CTNND2: variants seen among roughly 807,000 people sequenced by gnomAD.
The protein encoded by CTNND2 is catenin delta 2.
Under a neutral mutation model 144.4 loss-of-function variants are expected in CTNND2, and 22 were observed. The ratio of observed to expected loss-of-function variants is 0.15; its 90% CI spans 0.11 to 0.22. The LOEUF is 0.22. CTNND2 is among the 10% of genes least tolerant of loss of function. The probability of loss-of-function intolerance (pLI) is 1.00; values close to 1 mark genes in which losing one functional copy is unlikely to be tolerated. For synonymous variants in CTNND2, 751 were observed against 695.6 expected (o/e 1.08, Z -1.25); for missense variants, 1,353 against 1,618.8 (o/e 0.84, Z 2.82).
chr5:11,177,145 T>C (rs1760554278), intron 11 of CTNND2, among the ~76,000 whole-genome samples: 1 of 152,172 alleles, frequency 6.6e-6, no homozygotes, highest in African/African-American at 2.4e-5. Context: ...GATGCATGAG[T>C]ATTACATCCC....
At chr5:11,814,562 A>G (rs1010454860) in intron 1 of CTNND2, among the ~76,000 whole-genome samples, 3 of 152,232 alleles carry the variant, frequency 2.0e-5, no homozygotes, top group Non-Finnish European at 4.4e-5. Context: ...ATGGAAAAGG[A>G]AAGTGAGTGG....
chr5:11,697,871 G>T (rs1473657296), intron 2 of CTNND2, among the ~76,000 whole-genome samples: 4 of 152,114 alleles, frequency 2.6e-5, no homozygotes, highest in Non-Finnish European at 5.9e-5. Context: ...CATCAATTAT[G>T]AAAAAAGGCA....
chr5:11,718,954 A>G (rs1786509455), intron 2 of CTNND2, among the ~76,000 whole-genome samples: 1 of 152,208 alleles, frequency 6.6e-6, no homozygotes, highest in South Asian at 2.1e-4. Flanking sequence ...AGAGATGGCA[A>G]AGAGTAATTC....
chr5:11,733,425 C>T (rs1180045763), intron 1 of CTNND2, among the ~76,000 whole-genome samples: 2 of 152,082 alleles, frequency 1.3e-5, no homozygotes, highest in Non-Finnish European at 2.9e-5. Flanking sequence ...CACATTTGGT[C>T]ACAGAAGTCT....
At chr5:11,616,578 T>C (rs1416165606) in intron 2 of CTNND2, among the ~76,000 whole-genome samples, 1 of 151,162 alleles carries the variant, frequency 6.6e-6, no homozygotes, top group East Asian at 2.0e-4. Context: ...TCCCTTCCCT[T>C]TCCTTCCCCT....
intron 15 of CTNND2, among the ~76,000 whole-genome samples, chr5:11,084,643 C>T (rs761165282): frequency 7.9e-5 from 12 of 152,098 alleles, no homozygotes; most frequent in Non-Finnish European, 1.5e-4. Context: ...ATGCAAGTGC[C>T]CTCAGCCTGG....
At chr5:11,344,907 A>C (rs1205966831) in intron 9 of CTNND2, among the ~76,000 whole-genome samples, 1 of 152,246 alleles carries the variant, frequency 6.6e-6, no homozygotes, top group African/African-American at 2.4e-5. Flanking sequence ...GCTATGCTAC[A>C]GCTAGAGAAA....
chr5:11,844,211 G>A (rs760346717), intron 1 of CTNND2, among the ~76,000 whole-genome samples: 8 of 152,056 alleles, frequency 5.3e-5, no homozygotes, highest in Non-Finnish European at 7.3e-5. Context: ...AATAAAATAG[G>A]TGTTACTTAG....
At chr5:11,513,319 T>G (rs903312642) in intron 3 of CTNND2, among the ~76,000 whole-genome samples, 2 of 152,216 alleles carry the variant, frequency 1.3e-5, no homozygotes, top group African/African-American at 4.8e-5. Flanking sequence ...CATGCTTGTT[T>G]TGCAAACCAG....
At chr5:11,579,703 G>A (rs1203750099) in intron 2 of CTNND2, among the ~76,000 whole-genome samples, 2 of 152,140 alleles carry the variant, frequency 1.3e-5, no homozygotes, top group Admixed American at 6.5e-5. Context: ...ATGAATTCAT[G>A]TACAAAGTAT....
chr5:11,747,161 G>T (rs1224228634), intron 1 of CTNND2, among the ~76,000 whole-genome samples: 1 of 152,040 alleles, frequency 6.6e-6, no homozygotes, highest in Non-Finnish European at 1.5e-5. Flanking sequence ...AGTTCCCCCA[G>T]ACAACACAAA....
At chr5:11,574,798 T>C (rs1045212382) in intron 2 of CTNND2, among the ~76,000 whole-genome samples, 1 of 152,094 alleles carries the variant, frequency 6.6e-6, no homozygotes, top group Non-Finnish European at 1.5e-5. Context: ...TATACCACAA[T>C]AGAGAAAGCA....
At chr5:11,562,057 A>G (rs1428540311) in intron 3 of CTNND2, among the ~76,000 whole-genome samples, 3 of 152,082 alleles carry the variant, frequency 2.0e-5, no homozygotes, top group Admixed American at 6.6e-5. Flanking sequence ...TCAAAAAAAA[A>G]AGAGAGAGAG....
chr5:11,620,759 A>T (rs12188296), intron 2 of CTNND2, among the ~76,000 whole-genome samples: 6,401 of 152,278 alleles, frequency 0.042, 155 homozygotes, highest in Non-Finnish European at 0.066. Context: ...AACCTGTGAC[A>T]TCCTGGGCTC....
intron 2 of CTNND2, among the ~76,000 whole-genome samples, chr5:11,647,302 T>G (rs943474490): frequency 6.6e-6 from 1 of 152,174 alleles, no homozygotes; most frequent in Non-Finnish European, 1.5e-5. Flanking sequence ...GCCTTCTCCA[T>G]GTCTAAGTTC....
Position 11,230,857 on chromosome 5 carries a change from G to C in CTNND2, c.1761+5834C>G, listed in dbSNP as rs140131758. 1.4e-4 allele frequency among the ~76,000 whole-genome samples: 21 copies of C among 152,300 alleles called. No homozygotes were observed. The East Asian group carries it at 4.1e-3, about 29-fold the overall frequency. On this transcript the variant is annotated intron_variant, in intron 10 of 21. Coordinates refer to ENST00000304623, the MANE Select transcript of CTNND2 (RefSeq NM_001332.4). ...GTCCTACCCTGGATCAGAGAACTCA[G>C]TGGAATTCAAACTCTGCCTTAGTCA...
rs893158804 is a variant in CTNND2, at chr5:11,344,046, T to A, written c.1628+2326A>T. 7.9e-5 allele frequency among the ~76,000 whole-genome samples: 12 copies of A among 152,278 alleles called. No homozygotes were observed. The East Asian group carries it at 2.3e-3, about 29-fold the overall frequency. On this transcript the variant is annotated intron_variant, in intron 9 of 21. Transcript: ENST00000304623. ...TAATATTTAAGGGAAAATGCAAAAA[T>A]CTTGTCTTAAAAGAATTACTATATT...
chr5:11,822,053 G>A (rs905158818), intron 1 of CTNND2, among the ~76,000 whole-genome samples: 18 of 152,096 alleles, frequency 1.2e-4, no homozygotes, highest in Non-Finnish European at 2.9e-5. Flanking sequence ...CAATTACTAT[G>A]TAATAGTACT....
At chr5:11,806,698 T>C (rs1240260095) in intron 1 of CTNND2, among the ~76,000 whole-genome samples, 2 of 152,168 alleles carry the variant, frequency 1.3e-5, no homozygotes, top group South Asian at 2.1e-4. Context: ...AGCACTTATG[T>C]GCACATTGGG....
Sources: gnomAD v4.1 joint callset for allele counts (sites outside exome capture counted in the v4.1 genomes callset) on GRCh38, gnomAD v4.1.1 for gene constraint, MANE v1.5 for transcripts, NCBI Gene and HGNC (gene_info 2026-07-23, HGNC 2026-07-21) for gene names.